The following PLPP4 variants were observed in gnomAD, a reference collection of about 807,000 sequenced individuals.
The protein encoded by PLPP4 is diacylglycerol pyrophosphate like 2.
PLPP4 carries 20 observed loss-of-function variants against 32.2 expected under a neutral mutation model. The ratio of observed to expected loss-of-function variants is 0.62; its 90% CI spans 0.44 to 0.90. The LOEUF is 0.90. PLPP4 is among the 40% of genes least tolerant of loss of function. PLPP4 has a pLI of 0.00. For synonymous variants in PLPP4, 127 were observed against 133.0 expected (o/e 0.95, Z 0.31); for missense variants, 257 against 353.1 (o/e 0.73, Z 2.18).
chr10:120,538,832 T>C (rs1356737364), intron 5 of PLPP4, among the ~76,000 whole-genome samples: 1 of 152,206 alleles, frequency 6.6e-6, no homozygotes, highest in Non-Finnish European at 1.5e-5. Flanking sequence ...TCTTTACTAT[T>C]ACTAGCCCTA....
chr10:120,494,512 C>T (rs1468952600), intron 1 of PLPP4, among the ~76,000 whole-genome samples: 1 of 152,202 alleles, frequency 6.6e-6, no homozygotes, highest in Non-Finnish European at 1.5e-5. Flanking sequence ...CTTGGTTGGG[C>T]ATTTATGCTT....
At chr10:120,580,942 G>A in intron 6 of PLPP4, 6 of 1,289,138 alleles carry the variant, frequency 4.7e-6, no homozygotes, top group Non-Finnish European at 6.1e-6. Flanking sequence ...TTTACCATCG[G>A]CTGCCAACCC....
intron 5 of PLPP4, among the ~76,000 whole-genome samples, chr10:120,571,522 A>G (rs1246492067): frequency 3.3e-5 from 5 of 152,092 alleles, no homozygotes; most frequent in African/African-American, 4.8e-5. Flanking sequence ...AGCAAGTCCT[A>G]TGGCTAGAGT....
At chr10:120,571,590 C>T (rs1848945930) in intron 5 of PLPP4, among the ~76,000 whole-genome samples, 1 of 152,128 alleles carries the variant, frequency 6.6e-6, no homozygotes, top group Non-Finnish European at 1.5e-5. Context: ...TTTTTCCTCC[C>T]AGTTGAACTT....
chr10:120,567,052 G>GT (rs1443202535), intron 5 of PLPP4, among the ~76,000 whole-genome samples: 2 of 151,982 alleles, frequency 1.3e-5, no homozygotes, highest in Non-Finnish European at 2.9e-5. Flanking sequence ...TGCACCCTAG[G>GT]TTTTTTCTCT....
intron 5 of PLPP4, among the ~76,000 whole-genome samples, chr10:120,528,366 G>A (rs1453889292): frequency 6.6e-6 from 1 of 152,116 alleles, no homozygotes; most frequent in African/African-American, 2.4e-5. Context: ...GAGCCACCAC[G>A]CCCGGCCGCC....
chr10:120,512,140 T>C (rs1845756120), intron 2 of PLPP4, among the ~76,000 whole-genome samples: 1 of 152,142 alleles, frequency 6.6e-6, no homozygotes, highest in Admixed American at 6.5e-5. Flanking sequence ...TATAAGCATG[T>C]TTGAGGAAAT....
chr10:120,566,281 A>G (rs947189200), intron 5 of PLPP4, among the ~76,000 whole-genome samples: 9 of 152,136 alleles, frequency 5.9e-5, no homozygotes, highest in Non-Finnish European at 2.9e-5. Flanking sequence ...TTTTGGAAAT[A>G]CTTTGATGTC....
chr10:120,520,926 G>C, intron 4 of PLPP4, 45 bp from the exon 5 acceptor site: 1 of 1,610,832 alleles, frequency 6.2e-7, no homozygotes, highest in East Asian at 2.2e-5. Context: ...GGTCATTTGT[G>C]ATGGCAGCAT....
intron 1 of PLPP4, among the ~76,000 whole-genome samples, chr10:120,502,139 G>A (rs2133863275): frequency 6.6e-6 from 1 of 152,326 alleles, no homozygotes; most frequent in South Asian, 2.1e-4. Context: ...GGCTGGTGAA[G>A]GGTTGACTGG....
chr10:120,465,358 G>C (rs1848264886), intron 1 of PLPP4, among the ~76,000 whole-genome samples: 1 of 152,202 alleles, frequency 6.6e-6, no homozygotes, highest in Admixed American at 6.5e-5. Context: ...AGAGGAGGCT[G>C]AGAGGACCTG....
At chr10:120,487,349 T>C (rs916227781) in intron 1 of PLPP4, among the ~76,000 whole-genome samples, 2 of 152,206 alleles carry the variant, frequency 1.3e-5, no homozygotes, top group Non-Finnish European at 1.5e-5. Flanking sequence ...GCTGATGTGG[T>C]GTGTAGTGAT....
chr10:120,471,033 G>A (rs1307801224), intron 1 of PLPP4, among the ~76,000 whole-genome samples: 1 of 152,132 alleles, frequency 6.6e-6, no homozygotes, highest in Non-Finnish European at 1.5e-5. Flanking sequence ...TTTCTGTGTG[G>A]CCACATACAT....
At chr10:120,589,073 C>T (rs1849897125) in intron 6 of PLPP4, among the ~76,000 whole-genome samples, 1 of 152,024 alleles carries the variant, frequency 6.6e-6, no homozygotes, top group Non-Finnish European at 1.5e-5. Context: ...CAAAACAAAA[C>T]AAAAAACCGG....
chr10:120,566,715 C>T (rs1225066220), intron 5 of PLPP4, among the ~76,000 whole-genome samples: 3 of 151,988 alleles, frequency 2.0e-5, no homozygotes, highest in Non-Finnish European at 4.4e-5. Flanking sequence ...CCACCACGCC[C>T]GGCTAATTTT....
At chr10:120,577,090 A>G (rs181897300) in intron 6 of PLPP4, among the ~76,000 whole-genome samples, 135 of 152,380 alleles carry the variant, frequency 8.9e-4, no homozygotes, top group Non-Finnish European at 1.8e-3. Context: ...ATGGAAATTT[A>G]CTACACACAT....
chr10:120,567,403 C>G (rs1045763350), intron 5 of PLPP4, among the ~76,000 whole-genome samples: 1 of 152,164 alleles, frequency 6.6e-6, no homozygotes, highest in Non-Finnish European at 1.5e-5. Context: ...TCACACATAT[C>G]AAGTCTTTGG....
At chr10:120,531,763 T>C (rs555374986) in intron 5 of PLPP4, among the ~76,000 whole-genome samples, 45 of 152,234 alleles carry the variant, frequency 3.0e-4, no homozygotes, top group Non-Finnish European at 5.4e-4. Flanking sequence ...TTCTGTACTC[T>C]GCATACAATT....
intron 1 of PLPP4, among the ~76,000 whole-genome samples, chr10:120,498,785 C>T (rs1032302669): frequency 1.3e-5 from 2 of 152,038 alleles, no homozygotes; most frequent in African/African-American, 2.4e-5. Context: ...CTCAGTCTTC[C>T]AAGTAGCTGG....
Sources: gnomAD v4.1 joint callset for allele counts (sites outside exome capture counted in the v4.1 genomes callset) on GRCh38, gnomAD v4.1.1 for gene constraint, MANE v1.5 for transcripts, NCBI Gene and HGNC (gene_info 2026-07-23, HGNC 2026-07-21) for gene names.